FRMD4A: variants seen among roughly 807,000 people sequenced by gnomAD.
FRMD4A encodes FERM domain-containing protein 4A.
Under a neutral mutation model 129.1 loss-of-function variants are expected in FRMD4A, and 29 were observed. The observed-to-expected ratio is 0.22, with a 90% CI of 0.17 to 0.31. The LOEUF (loss-of-function observed/expected upper bound fraction) is 0.31, where lower values mean the gene tolerates loss of function less well. Among genes scored for constraint, FRMD4A ranks in the 10% least tolerant of loss-of-function variants. FRMD4A has a pLI of 1.00. For synonymous variants in FRMD4A, 634 were observed against 571.6 expected (o/e 1.11, Z -1.56); for missense variants, 1,272 against 1,375.8 (o/e 0.92, Z 1.19).
At chr10:14,208,066 G>A (rs1334503502) in intron 2 of FRMD4A, among the ~76,000 whole-genome samples, 1 of 152,028 alleles carries the variant, frequency 6.6e-6, no homozygotes, top group Non-Finnish European at 1.5e-5. Flanking sequence ...GCATGGTGGT[G>A]TGCGCCTGTT....
intron 2 of FRMD4A, among the ~76,000 whole-genome samples, chr10:13,968,659 G>A (rs2095499682): frequency 6.6e-6 from 1 of 152,162 alleles, no homozygotes; most frequent in African/African-American, 2.4e-5. Flanking sequence ...TCTCCATGTT[G>A]GTCAGGCTGG....
intron 2 of FRMD4A, among the ~76,000 whole-genome samples, chr10:14,076,119 A>T (rs1309977126): frequency 6.6e-6 from 1 of 151,980 alleles, no homozygotes. Flanking sequence ...CTCACTATGC[A>T]CCCCTTCACC....
intron 18 of FRMD4A, among the ~76,000 whole-genome samples, chr10:13,665,775 T>C (rs2082984331): frequency 6.6e-6 from 1 of 152,308 alleles, no homozygotes; most frequent in African/African-American, 2.4e-5. Context: ...TGTCAGAGCC[T>C]GGTCTAGCCC....
chr10:13,704,818 C>T (rs1289043422), intron 13 of FRMD4A, among the ~76,000 whole-genome samples: 2 of 152,014 alleles, frequency 1.3e-5, no homozygotes, highest in Non-Finnish European at 2.9e-5. Flanking sequence ...CGCCTGTAAT[C>T]CCAGCACTTT....
intron 2 of FRMD4A, among the ~76,000 whole-genome samples, chr10:14,067,584 C>T (rs1010220546): frequency 2.6e-5 from 4 of 151,828 alleles, no homozygotes; most frequent in Non-Finnish European, 4.4e-5. Context: ...TTTGGGAGGC[C>T]GAGGCGGGCG....
chr10:14,033,221 C>T (rs373334679), intron 2 of FRMD4A, among the ~76,000 whole-genome samples: 4 of 151,486 alleles, frequency 2.6e-5, no homozygotes, highest in South Asian at 2.1e-4. Flanking sequence ...GCAGGAGAAT[C>T]GCTTGAGCCT....
intron 2 of FRMD4A, among the ~76,000 whole-genome samples, chr10:13,919,689 G>A (rs1321325212): frequency 6.6e-6 from 1 of 152,160 alleles, no homozygotes; most frequent in Admixed American, 6.5e-5. Context: ...TGTAATCCCA[G>A]CACTTTAGGA....
intron 2 of FRMD4A, among the ~76,000 whole-genome samples, chr10:14,186,557 C>G (rs1842152219): frequency 6.6e-6 from 1 of 152,178 alleles, no homozygotes; most frequent in Non-Finnish European, 1.5e-5. Context: ...ATAGTCTTGG[C>G]ACACTGGGCA....
chr10:13,859,029 G>T, intron 2 of FRMD4A, 117 bp from the exon 3 acceptor site: 3 of 734,106 alleles, frequency 4.1e-6, no homozygotes, highest in Non-Finnish European at 7.5e-6. Context: ...TCCTCTGGGA[G>T]TCGGCACTGT....
chr10:13,854,159 C>T (rs895724385), intron 3 of FRMD4A, among the ~76,000 whole-genome samples: 1 of 152,138 alleles, frequency 6.6e-6, no homozygotes, highest in Non-Finnish European at 1.5e-5. Context: ...TCTCACTGTC[C>T]GGAAATTCTT....
At chr10:14,183,077 T>C (rs1004527607) in intron 2 of FRMD4A, among the ~76,000 whole-genome samples, 12 of 152,182 alleles carry the variant, frequency 7.9e-5, no homozygotes, top group East Asian at 1.9e-4. Flanking sequence ...TGAAAAAGCA[T>C]AGAGCTAGGC....
rs1026050754 is a variant in FRMD4A at position 13,912,212 on chromosome 10, C to G, written c.46-53300G>C. 7.9e-5 allele frequency among the ~76,000 whole-genome samples: 12 copies of G among 152,232 alleles called. No individual in the cohort carries two copies. In the South Asian group the frequency reaches 2.5e-3, roughly 32 times the overall value. On this transcript the variant is annotated intron_variant, in intron 2 of 24. Coordinates refer to ENST00000357447, the MANE Select transcript of FRMD4A (RefSeq NM_018027.5). The stretch of plus-strand genomic sequence containing the variant: ...TAAGATAAACAATGAGACTAAAAAG[C>G]AGCTTCCTACAGTAGCAGTGTTGGG...
chr10:14,117,457 A>G (rs1175731360), intron 2 of FRMD4A, among the ~76,000 whole-genome samples: 1 of 152,200 alleles, frequency 6.6e-6, no homozygotes, highest in Admixed American at 6.5e-5. Flanking sequence ...CTAGAAGTTG[A>G]TAGGGGTTTC....
chr10:13,876,547 A>G (rs1418567843), intron 2 of FRMD4A, among the ~76,000 whole-genome samples: 1 of 152,190 alleles, frequency 6.6e-6, no homozygotes, highest in Non-Finnish European at 1.5e-5. Context: ...AAGAACCTTA[A>G]TAACACTTTC....
chr10:13,794,330 C>A (rs149896536), intron 5 of FRMD4A, among the ~76,000 whole-genome samples: 1 of 141,600 alleles, frequency 7.1e-6, no homozygotes, highest in Non-Finnish European at 1.5e-5. Context: ...AGGTGGAGGT[C>A]GCAGTGAGCC....
At chr10:14,242,594 G>A (rs991518741) in intron 2 of FRMD4A, among the ~76,000 whole-genome samples, 5 of 152,310 alleles carry the variant, frequency 3.3e-5, no homozygotes, top group South Asian at 2.1e-4. Flanking sequence ...TGCCTCTAGT[G>A]CATGACCTCT....
intron 2 of FRMD4A, among the ~76,000 whole-genome samples, chr10:14,042,151 A>C (rs1169790792): frequency 2.0e-5 from 3 of 152,188 alleles, no homozygotes; most frequent in African/African-American, 7.2e-5. Context: ...AAATCGATGT[A>C]CTTTATGTTC....
chr10:14,000,646 CAAAA>C (rs11377448), intron 2 of FRMD4A, among the ~76,000 whole-genome samples: 11 of 43,470 alleles, frequency 2.5e-4, no homozygotes, highest in African/African-American at 3.3e-4. Flanking sequence ...GACGCCACCT[CAAAA>C]AAAAAAAAAA....
At chr10:13,911,571 T>C (rs917466312) in intron 2 of FRMD4A, among the ~76,000 whole-genome samples, 2 of 152,066 alleles carry the variant, frequency 1.3e-5, no homozygotes, top group Admixed American at 1.3e-4. Flanking sequence ...CTCTTTTTAT[T>C]TTTATTTTGG....
Sources: gnomAD v4.1 joint callset for allele counts (sites outside exome capture counted in the v4.1 genomes callset) on GRCh38, gnomAD v4.1.1 for gene constraint, MANE v1.5 for transcripts, NCBI Gene and HGNC (gene_info 2026-07-23, HGNC 2026-07-21) for gene names.